The following LINGO2 variants were observed in gnomAD, a reference collection of about 807,000 sequenced individuals.
LINGO2 encodes leucine rich repeat and Ig domain containing 2, also known as leucine-rich repeat and immunoglobulin-like domain-containing nogo receptor-interacting protein 2.
Under a neutral mutation model 30.6 loss-of-function variants are expected in LINGO2, and 14 were observed. That is an observed-to-expected ratio of 0.46 (90% CI 0.30 to 0.72). LINGO2 has a LOEUF of 0.72. Ranked by LOEUF, LINGO2 falls within the 30% of genes least tolerant of loss-of-function variation. The probability of loss-of-function intolerance (pLI) is 0.07; values close to 1 mark genes in which losing one functional copy is unlikely to be tolerated. For missense variants in LINGO2, 729 were observed against 751.7 expected (o/e 0.97, Z 0.35); for synonymous variants, 317 against 288.5 (o/e 1.10, Z -1.00).
chr9:28,279,591 A>T (rs1029771487), intron 4 of LINGO2, among the ~76,000 whole-genome samples: 2 of 152,156 alleles, frequency 1.3e-5, no homozygotes, highest in African/African-American at 2.4e-5. Flanking sequence ...AGATATGTAC[A>T]TTGTTTTTAG....
chr9:28,500,449 A>G (rs1447797747), intron 1 of LINGO2, among the ~76,000 whole-genome samples: 1 of 152,222 alleles, frequency 6.6e-6, no homozygotes, highest in African/African-American at 2.4e-5. Context: ...GTAGCTAGAA[A>G]AACAATAATT....
the LINGO2 span, among the ~76,000 whole-genome samples, chr9:28,990,570 C>T: frequency 6.6e-6 from 1 of 152,160 alleles, no homozygotes; most frequent in Non-Finnish European, 1.5e-5. Flanking sequence ...GCTCCCTGAC[C>T]CCTGACCCCT....
intron 1 of LINGO2, among the ~76,000 whole-genome samples, chr9:28,588,042 C>T (rs761148352): frequency 3.9e-5 from 6 of 152,018 alleles, no homozygotes; most frequent in Non-Finnish European, 8.8e-5. Context: ...ACATAGCAAG[C>T]CATACCTGGC....
At chr9:28,158,481 A>G (rs1828197008) in intron 4 of LINGO2, among the ~76,000 whole-genome samples, 1 of 152,220 alleles carries the variant, frequency 6.6e-6, no homozygotes, top group African/African-American at 2.4e-5. Flanking sequence ...TGAAGACAAA[A>G]GAAAAGCAGA....
chr9:28,064,196 T>C (rs1451657508), intron 4 of LINGO2, among the ~76,000 whole-genome samples: 3 of 152,154 alleles, frequency 2.0e-5, no homozygotes, highest in Admixed American at 2.0e-4. Context: ...CATTGTGGTC[T>C]CTTGCTGTGT....
chr9:28,456,289 C>G (rs1057453939), intron 2 of LINGO2, among the ~76,000 whole-genome samples: 11 of 152,166 alleles, frequency 7.2e-5, no homozygotes, highest in African/African-American at 2.2e-4. Flanking sequence ...CAGGGTCTGG[C>G]CTGGCTTGTC....
chr9:28,936,948 T>G, the LINGO2 span, among the ~76,000 whole-genome samples: 4 of 152,220 alleles, frequency 2.6e-5, no homozygotes, highest in African/African-American at 9.6e-5. Flanking sequence ...TTTCTCGATG[T>G]ATCCTCACAT....
At chr9:28,705,267 A>G in the LINGO2 span, among the ~76,000 whole-genome samples, 1 of 152,108 alleles carries the variant, frequency 6.6e-6, no homozygotes, top group South Asian at 2.1e-4. Flanking sequence ...GGTAAAAGAA[A>G]TTATAGTAAA....
intron 4 of LINGO2, among the ~76,000 whole-genome samples, chr9:28,271,122 AT>A (rs1822923011): frequency 6.6e-6 from 1 of 151,772 alleles, no homozygotes; most frequent in Non-Finnish European, 1.5e-5. Flanking sequence ...ATCTAGAGTT[AT>A]TTCCCCCTTG....
chr9:27,999,188 C>A (rs908284609), intron 5 of LINGO2, among the ~76,000 whole-genome samples: 4 of 151,606 alleles, frequency 2.6e-5, no homozygotes, highest in Non-Finnish European at 5.9e-5. Context: ...CAAAAAAAAA[C>A]CCAACACTGC....
chr9:28,869,568 G>C, the LINGO2 span, among the ~76,000 whole-genome samples: 1 of 151,866 alleles, frequency 6.6e-6, no homozygotes, highest in East Asian at 1.9e-4. Flanking sequence ...TAGCAAGCAG[G>C]AAGAAAAAAG....
intron 1 of LINGO2, among the ~76,000 whole-genome samples, chr9:28,594,725 G>A (rs112753301): frequency 1.3e-3 from 204 of 152,170 alleles, no homozygotes; most frequent in Admixed American, 6.4e-3. Context: ...AAAGCTTAGC[G>A]TGGAAAACAT....
chr9:28,873,691 T>C, the LINGO2 span, among the ~76,000 whole-genome samples: 1 of 152,108 alleles, frequency 6.6e-6, no homozygotes, highest in Non-Finnish European at 1.5e-5. Flanking sequence ...TATGAACTCA[T>C]ATAATTGCAG....
In LINGO2 at chr9:28,145,928, C is replaced by G. The variant is rs144550784; in HGVS notation, c.-86-133523G>C. ...TCTCTTCCCCAGGCTACCCAGGCCTCAGGCTCTTTGGCTGATTTGCTCTGT... is the reference window on the plus strand; with the variant it reads ...TCTCTTCCCCAGGCTACCCAGGCCTGAGGCTCTTTGGCTGATTTGCTCTGT... On this transcript the variant is annotated intron_variant, in intron 4 of 5. Transcript: ENST00000379992. Among the ~76,000 whole-genome samples the G allele has an allele frequency of 6.8e-3, 1,043 of 152,298 alleles. 10 individuals carry two copies. The highest frequency in any genetic ancestry group is 0.023 in the African/African-American group (972 of 41,556).
intron 4 of LINGO2, among the ~76,000 whole-genome samples, chr9:28,063,030 C>T (rs1326064125): frequency 6.6e-6 from 1 of 152,020 alleles, no homozygotes; most frequent in African/African-American, 2.4e-5. Flanking sequence ...TTGTACCTGG[C>T]TTCAGAAAGA....
chr9:28,948,770 G>C, the LINGO2 span, among the ~76,000 whole-genome samples: 2 of 151,992 alleles, frequency 1.3e-5, no homozygotes, highest in African/African-American at 4.8e-5. Context: ...AACATCTCAA[G>C]CTCAAGGAGA....
the LINGO2 span, among the ~76,000 whole-genome samples, chr9:28,679,625 A>G: frequency 6.6e-6 from 1 of 152,212 alleles, no homozygotes; most frequent in Non-Finnish European, 1.5e-5. Context: ...TGAAACAACC[A>G]TCACCTCACA....
chr9:28,349,282 A>G (rs1819743766), intron 3 of LINGO2, among the ~76,000 whole-genome samples: 1 of 148,978 alleles, frequency 6.7e-6, no homozygotes, highest in Non-Finnish European at 1.5e-5. Context: ...AATTAGAATA[A>G]CCAATACAGA....
chr9:28,723,435 A>C, the LINGO2 span, among the ~76,000 whole-genome samples: 1 of 152,158 alleles, frequency 6.6e-6, no homozygotes, highest in Non-Finnish European at 1.5e-5. Flanking sequence ...GGCTATACAT[A>C]TTAGAAACTA....
Sources: allele counts gnomAD v4.1 joint callset (sites outside exome capture counted in the v4.1 genomes callset), GRCh38; gene constraint gnomAD v4.1.1; transcripts MANE v1.5; gene names NCBI Gene and HGNC (gene_info 2026-07-23, HGNC 2026-07-21).